The following SLC2A9 variants were observed in gnomAD, a reference collection of about 807,000 sequenced individuals.
SLC2A9 encodes the protein solute carrier family 2 member 9.
A neutral mutation model predicts 50.6 loss-of-function variants in SLC2A9; 39 were observed. The observed-to-expected ratio is 0.77, with a 90% CI of 0.60 to 1.01. The LOEUF (loss-of-function observed/expected upper bound fraction) is 1.01, where lower values mean the gene tolerates loss of function less well. Among genes scored for constraint, SLC2A9 ranks in the 50% least tolerant of loss-of-function variants. SLC2A9 has a pLI of 0.00. For missense variants in SLC2A9, 686 were observed against 677.6 expected (o/e 1.01, Z -0.14); for synonymous variants, 324 against 276.9 (o/e 1.17, Z -1.69).
At chr4:9,865,085 T>C (rs985563190) in intron 10 of SLC2A9, among the ~76,000 whole-genome samples, 1 of 152,270 alleles carries the variant, frequency 6.6e-6, no homozygotes, top group Admixed American at 6.5e-5. Flanking sequence ...GGAGCCAGAC[T>C]GGTCTGAGTC....
chr4:10,026,704 A>G (rs1044727401), intron 1 of SLC2A9, among the ~76,000 whole-genome samples: 1 of 152,248 alleles, frequency 6.6e-6, no homozygotes, highest in Non-Finnish European at 1.5e-5. Flanking sequence ...GCGCTGATAC[A>G]GGCTACAACA....
At chr4:10,015,992 C>T (rs1462126675) in intron 2 of SLC2A9, among the ~76,000 whole-genome samples, 1 of 152,166 alleles carries the variant, frequency 6.6e-6, no homozygotes, top group Non-Finnish European at 1.5e-5. Flanking sequence ...CTTCCCAGGC[C>T]GTGGATCTGG....
chr4:9,997,183 G>T (rs1447706804), intron 2 of SLC2A9, among the ~76,000 whole-genome samples: 1 of 151,828 alleles, frequency 6.6e-6, no homozygotes, highest in Non-Finnish European at 1.5e-5. Flanking sequence ...TGTGTTTCTT[G>T]CATCTTTGCC....
intron 1 of SLC2A9, among the ~76,000 whole-genome samples, chr4:10,038,506 C>CAAAAAAAAAAAAAAAAAAAAAAAAAAA: frequency 2.0e-5 from 1 of 49,446 alleles, no homozygotes; most frequent in African/African-American, 8.8e-5. Context: ...GACTCTGTCT[C>CAAAAAAAAAAAAAAAAAAAAAAAAAAA]AAAAAAAAAA....
chr4:9,979,853 C>G (rs1452765664), intron 5 of SLC2A9, among the ~76,000 whole-genome samples: 1 of 152,128 alleles, frequency 6.6e-6, no homozygotes, highest in Non-Finnish European at 1.5e-5. Flanking sequence ...AGTTCTTTCC[C>G]AGGGCTGTGC....
chr4:9,798,055 G>A (rs1313338206), downstream of SLC2A9, among the ~76,000 whole-genome samples: 2 of 152,202 alleles, frequency 1.3e-5, no homozygotes, highest in Middle Eastern at 3.2e-3. Flanking sequence ...GAGAGCAGAT[G>A]AGATTTATTT....
intron 6 of SLC2A9, among the ~76,000 whole-genome samples, chr4:9,928,784 CA>C (rs1312688037): frequency 6.6e-6 from 1 of 152,056 alleles, no homozygotes; most frequent in Non-Finnish European, 1.5e-5. Flanking sequence ...TCTGCACATT[CA>C]AAAAGAAAAA....
chr4:9,782,809 C>T, intron 3 of SLC2A9: 1 of 1,613,820 alleles, frequency 6.2e-7, no homozygotes, highest in Non-Finnish European at 8.5e-7. Context: ...GCAGGATTTC[C>T]TCCCTGGAGA....
rs116799304 is a variant in SLC2A9, at chr4:9,939,978, C to T, written c.814+1935G>A. ...TAGAGTGCACATGTAATATTTATCACGTTTTGTAACTGTACTTCTCCCTCA... is the reference window on the plus strand; with the variant it reads ...TAGAGTGCACATGTAATATTTATCATGTTTTGTAACTGTACTTCTCCCTCA... On this transcript the variant is annotated intron_variant, in intron 6 of 11. Transcript: ENST00000264784. 4.3e-3 allele frequency among the ~76,000 whole-genome samples: 652 copies of T among 152,302 alleles called. 8 individuals are homozygous for T. Among genetic ancestry groups the T allele is most frequent in the African/African-American group, 0.015 (620 of 41,566 alleles).
intron 3 of SLC2A9, among the ~76,000 whole-genome samples, chr4:9,810,198 C>T (rs1003622227): frequency 1.3e-5 from 2 of 152,026 alleles, no homozygotes; most frequent in Non-Finnish European, 2.9e-5. Context: ...CACCATATGT[C>T]CAACACCGAG....
chr4:9,860,207 G>C (rs1484137251), intron 10 of SLC2A9, among the ~76,000 whole-genome samples: 2 of 152,132 alleles, frequency 1.3e-5, no homozygotes, highest in African/African-American at 4.8e-5. Flanking sequence ...CCTGAAAAAT[G>C]ACTCAACTTT....
At chr4:9,847,708 G>A (rs756381954) in intron 10 of SLC2A9, among the ~76,000 whole-genome samples, 2 of 152,202 alleles carry the variant, frequency 1.3e-5, no homozygotes, top group African/African-American at 4.8e-5. Context: ...CAAGATTAAC[G>A]TTCTCCTTCA....
chr4:9,960,302 T>A lies in SLC2A9; in HGVS notation c.682-18257A>T, dbSNP rs562361427. Among the ~76,000 whole-genome samples, 4 of 152,256 alleles carry A rather than the reference T, an allele frequency of 2.6e-5. No individual in the cohort carries two copies. In the East Asian group the frequency reaches 7.7e-4, roughly 29 times the overall value. The stretch of plus-strand genomic sequence containing the variant: ...AAAATAGGCCTTTCTGCCTGGAAAA[T>A]AAGTTCCCCTTCACCAGCCCCAGGT... On this transcript the variant is annotated intron_variant, in intron 5 of 11. Coordinates refer to ENST00000264784, the MANE Select transcript of SLC2A9 (RefSeq NM_020041.3).
chr4:10,012,000 T>C (rs1413638149), intron 2 of SLC2A9, among the ~76,000 whole-genome samples: 3 of 152,224 alleles, frequency 2.0e-5, no homozygotes. Flanking sequence ...TAGACCACCA[T>C]CTGTTTCGTA....
chr4:9,774,220 C>T (rs1717216781), intron 1 of SLC2A9, among the ~76,000 whole-genome samples: 1 of 152,074 alleles, frequency 6.6e-6, no homozygotes, highest in African/African-American at 2.4e-5. Flanking sequence ...TCTTGAGCTC[C>T]TGACCTCAGG....
chr4:9,789,323 A>T (rs1287725981), intron 3 of SLC2A9, among the ~76,000 whole-genome samples: 1 of 152,234 alleles, frequency 6.6e-6, no homozygotes, highest in Admixed American at 6.5e-5. Context: ...TGGAATGTGT[A>T]AGGGCATTAT....
At chr4:9,906,860 TC>T (rs1740773108) in intron 8 of SLC2A9, among the ~76,000 whole-genome samples, 1 of 152,228 alleles carries the variant, frequency 6.6e-6, no homozygotes, top group African/African-American at 2.4e-5. Context: ...TTGTGAAACT[TC>T]CAGAATGTGA....
At chr4:9,909,914 A>G (rs929360500) in intron 7 of SLC2A9, among the ~76,000 whole-genome samples, 1 of 152,156 alleles carries the variant, frequency 6.6e-6, no homozygotes, top group Non-Finnish European at 1.5e-5. Flanking sequence ...AGCTGGCCAC[A>G]CTCTCGCATT....
intron 10 of SLC2A9, among the ~76,000 whole-genome samples, chr4:9,874,942 AGCGT>A (rs1734056228): frequency 2.1e-4 from 30 of 142,220 alleles, no homozygotes; most frequent in African/African-American, 2.9e-4. Flanking sequence ...GCCATAGGTT[AGCGT>A]CTGTCTAAGA....
Sources: gnomAD v4.1 joint callset for allele counts (sites outside exome capture counted in the v4.1 genomes callset) on GRCh38, gnomAD v4.1.1 for gene constraint, MANE v1.5 for transcripts, NCBI Gene and HGNC (gene_info 2026-07-23, HGNC 2026-07-21) for gene names.